Variants in NFXL1 observed in about 807,000 individuals in gnomAD.
NFXL1 encodes the protein NF-X1-type zinc finger protein NFXL1.
A neutral mutation model predicts 123.3 loss-of-function variants in NFXL1; 66 were observed. That is an observed-to-expected ratio of 0.54 (90% CI 0.44 to 0.66). The LOEUF (loss-of-function observed/expected upper bound fraction) is 0.66, where lower values mean the gene tolerates loss of function less well. Ranked by LOEUF, NFXL1 falls within the 30% of genes least tolerant of loss-of-function variation. NFXL1 has a pLI of 0.00. For missense variants in NFXL1, 944 were observed against 1,125.6 expected (o/e 0.84, Z 2.31); for synonymous variants, 346 against 360.8 (o/e 0.96, Z 0.46).
intron 18 of NFXL1, among the ~76,000 whole-genome samples, chr4:47,868,313 C>T (rs1310430815): frequency 6.2e-5 from 9 of 144,956 alleles, no homozygotes; most frequent in Non-Finnish European, 1.1e-4. Flanking sequence ...AGCGAGACTC[C>T]GTCTCAAAAA....
chr4:47,874,568 A>G (rs1438536670), intron 18 of NFXL1, among the ~76,000 whole-genome samples: 1 of 152,230 alleles, frequency 6.6e-6, no homozygotes, highest in East Asian at 1.9e-4. Context: ...AACATCAAAG[A>G]TCACTGATCA....
chr4:47,863,031 A>G (rs1447163699), intron 18 of NFXL1, 116 bp from the exon 19 acceptor site: 6 of 652,630 alleles, frequency 9.2e-6, no homozygotes, highest in Non-Finnish European at 1.1e-5. Flanking sequence ...TCCTCAAGAA[A>G]TACTTTAATT....
intron 4 of NFXL1, among the ~76,000 whole-genome samples, chr4:47,904,767 A>G (rs1376779107): frequency 6.6e-6 from 1 of 152,208 alleles, no homozygotes; most frequent in Non-Finnish European, 1.5e-5. Flanking sequence ...CTCCAAGGAC[A>G]TGAGTTTTGT....
chr4:47,914,282 G>C, intron 1 of NFXL1, 77 bp from the exon 2 acceptor site: 1 of 1,179,740 alleles, frequency 8.5e-7, no homozygotes, highest in South Asian at 1.7e-5. Context: ...GGGTCAGTGC[G>C]GAAACCCGGT....
chr4:47,904,228 C>T (rs1362750987), intron 4 of NFXL1, among the ~76,000 whole-genome samples: 1 of 152,150 alleles, frequency 6.6e-6, no homozygotes, highest in East Asian at 1.9e-4. Flanking sequence ...CCATGTAAAA[C>T]ACGCCTTGGA....
At chr4:47,884,988 A>T (rs1449960435) in intron 14 of NFXL1, among the ~76,000 whole-genome samples, 1 of 151,832 alleles carries the variant, frequency 6.6e-6, no homozygotes, top group Non-Finnish European at 1.5e-5. Flanking sequence ...TTAGCTGGGC[A>T]TGGTAGCAGG....
intron 18 of NFXL1, among the ~76,000 whole-genome samples, chr4:47,869,861 A>G (rs969165891): frequency 3.9e-5 from 6 of 152,144 alleles, no homozygotes; most frequent in Non-Finnish European, 8.8e-5. Context: ...TATTCAAAAT[A>G]AGAATGACAA....
chr4:47,884,925 G>A (rs1033805872), intron 14 of NFXL1, among the ~76,000 whole-genome samples: 2 of 151,872 alleles, frequency 1.3e-5, no homozygotes, highest in Admixed American at 6.6e-5. Flanking sequence ...TCAGGAGTTC[G>A]AGACCAGCCT....
rs185585282 is a variant in NFXL1, at chr4:47,865,357, T to C, written c.2247-2442A>G. Among the ~76,000 whole-genome samples the C allele has an allele frequency of 9.2e-5, 14 of 152,172 alleles. No homozygotes were observed. The East Asian group carries it at 2.7e-3, about 29-fold the overall frequency. ...TAGTGCTGAGGTAATGGAAGCCACC[T>C]TAATCCAAATATATCCACATGTCCC... On this transcript the variant is annotated intron_variant, in intron 18 of 22. Coordinates refer to ENST00000507489, the MANE Select transcript of NFXL1 (RefSeq NM_001278624.2).
At chr4:47,909,084 C>T (rs1737707029) in intron 3 of NFXL1, among the ~76,000 whole-genome samples, 1 of 151,784 alleles carries the variant, frequency 6.6e-6, no homozygotes, top group Non-Finnish European at 1.5e-5. Flanking sequence ...GACTACACAA[C>T]AGGCACTACT....
intron 7 of NFXL1, 48 bp from the exon 8 acceptor site, chr4:47,898,905 A>G: frequency 6.2e-7 from 1 of 1,611,394 alleles, no homozygotes; most frequent in South Asian, 1.1e-5. Context: ...AGCAATAAAG[A>G]TTGCTTTGAC....
chr4:47,885,837 G>T (rs1736395012), intron 13 of NFXL1, 42 bp downstream of exon 13: 6 of 1,579,954 alleles, frequency 3.8e-6, no homozygotes, highest in African/African-American at 1.4e-5. Flanking sequence ...ATTTAAATTT[G>T]TACAACATCA....
intron 15 of NFXL1, among the ~76,000 whole-genome samples, chr4:47,879,556 G>A (rs1735956072): frequency 6.6e-6 from 1 of 152,082 alleles, no homozygotes; most frequent in African/African-American, 2.4e-5. Context: ...AAGTTATTTT[G>A]TATATATCAA....
chr4:47,848,382 G>GA, intron 22 of NFXL1, 46 bp from the exon 23 acceptor site: 1 of 1,397,360 alleles, frequency 7.2e-7, no homozygotes, highest in Non-Finnish European at 9.8e-7. Flanking sequence ...TGCATACATT[G>GA]ATTTGAAAGT....
intron 3 of NFXL1, among the ~76,000 whole-genome samples, chr4:47,910,419 C>T (rs1049125882): frequency 3.9e-5 from 6 of 152,058 alleles, no homozygotes; most frequent in Admixed American, 3.3e-4. Flanking sequence ...ATTAAAAAGA[C>T]TTCAAGACGC....
intron 13 of NFXL1, 91 bp from the exon 14 acceptor site, chr4:47,885,748 T>A: frequency 7.3e-7 from 1 of 1,360,932 alleles, no homozygotes; most frequent in Non-Finnish European, 1.0e-6. Context: ...ATCTTCTGAT[T>A]CCATATAGAA....
chr4:47,888,192 T>C (rs1311789206), intron 12 of NFXL1, among the ~76,000 whole-genome samples: 3 of 152,164 alleles, frequency 2.0e-5, no homozygotes, highest in Non-Finnish European at 4.4e-5. Context: ...GAGAATCACC[T>C]GAAATGGGGA....
At chr4:47,856,975 ACTTATT>A (rs970136926) in intron 19 of NFXL1, among the ~76,000 whole-genome samples, 15 of 152,222 alleles carry the variant, frequency 9.9e-5, no homozygotes, top group Admixed American at 9.8e-4. Flanking sequence ...TTAGCTCACC[ACTTATT>A]CTTACTCTCA....
At chr4:47,868,391 T>C (rs1020034066) in intron 18 of NFXL1, among the ~76,000 whole-genome samples, 2 of 150,600 alleles carry the variant, frequency 1.3e-5, no homozygotes, top group Non-Finnish European at 1.5e-5. Context: ...AAATGTCATA[T>C]GTTCTGAAAA....
Sources: allele counts gnomAD v4.1 joint callset (sites outside exome capture counted in the v4.1 genomes callset), GRCh38; gene constraint gnomAD v4.1.1; transcripts MANE v1.5; gene names NCBI Gene and HGNC (gene_info 2026-07-23, HGNC 2026-07-21).